Variants in DLEU7 observed in about 807,000 individuals in gnomAD.
DLEU7 encodes deleted in lymphocytic leukemia 7, also known as leukemia-associated protein 7.
Under a neutral mutation model 16.0 loss-of-function variants are expected in DLEU7, and 17 were observed. The observed-to-expected ratio is 1.06, with a 90% CI of 0.73 to 1.59. The LOEUF is 1.59. DLEU7 is among the 40% of genes most tolerant of loss of function. The probability of loss-of-function intolerance (pLI) is 0.00; values close to 1 mark genes in which losing one functional copy is unlikely to be tolerated. For missense variants in DLEU7, 308 were observed against 314.9 expected (o/e 0.98, Z 0.17); for synonymous variants, 113 against 139.8 (o/e 0.81, Z 1.35).
At chr13:50,713,816 G>A (rs79247195) in intron 1 of DLEU7, among the ~76,000 whole-genome samples, 1 of 152,170 alleles carries the variant, frequency 6.6e-6, no homozygotes, top group African/African-American at 2.4e-5. Context: ...CTCATTAAAG[G>A]CAGCAACACG....
chr13:50,810,542 A>G (rs1289651245), intron 1 of DLEU7, among the ~76,000 whole-genome samples: 1 of 152,162 alleles, frequency 6.6e-6, no homozygotes, highest in African/African-American at 2.4e-5. Context: ...TCATTTAGCT[A>G]TTGAAAGTTG....
chr13:50,803,292 A>G (rs937751043), intron 1 of DLEU7, among the ~76,000 whole-genome samples: 2 of 152,174 alleles, frequency 1.3e-5, no homozygotes, highest in African/African-American at 2.4e-5. Flanking sequence ...TGTGTTGATC[A>G]TTGTCAATCT....
intron 1 of DLEU7, among the ~76,000 whole-genome samples, chr13:50,799,520 A>G (rs1043081834): frequency 6.6e-6 from 1 of 152,190 alleles, no homozygotes; most frequent in African/African-American, 2.4e-5. Flanking sequence ...TGCAATTGTA[A>G]AAAGCTTTGA....
chr13:50,833,692 T>C (rs183822048), intron 1 of DLEU7, among the ~76,000 whole-genome samples: 98 of 152,294 alleles, frequency 6.4e-4, no homozygotes, highest in Non-Finnish European at 1.3e-3. Flanking sequence ...AAAATCTACT[T>C]TAAATTTCAT....
intron 1 of DLEU7, among the ~76,000 whole-genome samples, chr13:50,793,311 A>G (rs1315074192): frequency 1.3e-5 from 2 of 152,054 alleles, no homozygotes; most frequent in African/African-American, 4.8e-5. Context: ...ATTCCATACC[A>G]TTGCTATTGT....
At chr13:50,749,940 T>C (rs1217933826) in intron 1 of DLEU7, among the ~76,000 whole-genome samples, 1 of 152,224 alleles carries the variant, frequency 6.6e-6, no homozygotes, top group African/African-American at 2.4e-5. Flanking sequence ...TTAGTTTAAT[T>C]AAGTCCCAAC....
chr13:50,829,191 TG>T (rs1877184884), intron 1 of DLEU7, among the ~76,000 whole-genome samples: 1 of 152,210 alleles, frequency 6.6e-6, no homozygotes, highest in East Asian at 1.9e-4. Context: ...ACATCCCTGC[TG>T]TAGATGACCT....
chr13:50,838,540 T>G (rs1352207444), intron 1 of DLEU7, among the ~76,000 whole-genome samples: 2 of 152,202 alleles, frequency 1.3e-5, no homozygotes, highest in Non-Finnish European at 2.9e-5. Flanking sequence ...ACTTCTATGC[T>G]CCCTTTGGGT....
chr13:50,777,898 T>C (rs1055787171), intron 1 of DLEU7, among the ~76,000 whole-genome samples: 1 of 152,130 alleles, frequency 6.6e-6, no homozygotes, highest in Admixed American at 6.5e-5. Context: ...TATATTTCAT[T>C]AGGAGGGGCA....
intron 1 of DLEU7, among the ~76,000 whole-genome samples, chr13:50,834,072 A>T (rs1192826600): frequency 6.6e-6 from 1 of 152,208 alleles, no homozygotes; most frequent in Non-Finnish European, 1.5e-5. Flanking sequence ...TGTAAGACCT[A>T]AAACCATAAA....
intron 1 of DLEU7, among the ~76,000 whole-genome samples, chr13:50,830,728 A>C (rs1877236301): frequency 6.6e-6 from 1 of 152,174 alleles, no homozygotes; most frequent in African/African-American, 2.4e-5. Flanking sequence ...GCCCTGAGGT[A>C]GGCAGAATAA....
chr13:50,731,718 C>T (rs750079858), intron 1 of DLEU7, among the ~76,000 whole-genome samples: 1 of 152,194 alleles, frequency 6.6e-6, no homozygotes, highest in African/African-American at 2.4e-5. Context: ...GAAAGGGAGG[C>T]TGTTTGTCTT....
At chr13:50,731,653 G>A (rs1873915985) in intron 1 of DLEU7, among the ~76,000 whole-genome samples, 1 of 152,090 alleles carries the variant, frequency 6.6e-6, no homozygotes, top group South Asian at 2.1e-4. Flanking sequence ...TGACTTAGAA[G>A]TATTTTCTTA....
intron 1 of DLEU7, among the ~76,000 whole-genome samples, chr13:50,796,144 G>A (rs182021154): frequency 1.3e-5 from 2 of 152,032 alleles, no homozygotes; most frequent in East Asian, 3.9e-4. Context: ...TTAGAGTACT[G>A]AACTCTATAT....
chr13:50,834,282 A>G (rs1877377226), intron 1 of DLEU7, among the ~76,000 whole-genome samples: 1 of 152,202 alleles, frequency 6.6e-6, no homozygotes, highest in Non-Finnish European at 1.5e-5. Flanking sequence ...AATTTTTGCA[A>G]TCTATCCATC....
intron 1 of DLEU7, among the ~76,000 whole-genome samples, chr13:50,792,846 T>C (rs1876001281): frequency 6.7e-6 from 1 of 149,918 alleles, no homozygotes; most frequent in Non-Finnish European, 1.5e-5. Flanking sequence ...TTGGGTTTTC[T>C]TGCATTCTTT....
intron 1 of DLEU7, among the ~76,000 whole-genome samples, chr13:50,793,326 A>C (rs1876019787): frequency 6.6e-6 from 1 of 152,164 alleles, no homozygotes; most frequent in South Asian, 2.1e-4. Flanking sequence ...TATTGTGAAT[A>C]GTGCTGCAGT....
At chr13:50,711,774 G>GGGGGGGGT (rs1873295100), downstream of DLEU7, 1 of 118,578 alleles carries the variant, frequency 8.4e-6, no homozygotes, top group African/African-American at 3.4e-5. Context: ...CCCAGTGGCG[G>GGGGGGGGT]GGGCGGGGGG....
At chr13:50,810,664 GT>G (rs1234370230) in intron 1 of DLEU7, among the ~76,000 whole-genome samples, 1 of 152,104 alleles carries the variant, frequency 6.6e-6, no homozygotes, top group African/African-American at 2.4e-5. Context: ...ACACAGAGGT[GT>G]TTTGTTGTGT....
Sources: gnomAD v4.1 joint callset for allele counts (sites outside exome capture counted in the v4.1 genomes callset) on GRCh38, gnomAD v4.1.1 for gene constraint, MANE v1.5 for transcripts, NCBI Gene and HGNC (gene_info 2026-07-23, HGNC 2026-07-21) for gene names.